CDC73: variants seen among roughly 807,000 people sequenced by gnomAD.
CDC73 encodes cell division cycle 73.
Under a neutral mutation model 83.7 loss-of-function variants are expected in CDC73, and 21 were observed. The ratio of observed to expected loss-of-function variants is 0.25; its 90% CI spans 0.18 to 0.36. The LOEUF (loss-of-function observed/expected upper bound fraction) is 0.36, where lower values mean the gene tolerates loss of function less well. Ranked by LOEUF, CDC73 falls within the 10% of genes least tolerant of loss-of-function variation. The pLI is 1.00. For synonymous variants in CDC73, 224 were observed against 212.9 expected (o/e 1.05, Z -0.45); for missense variants, 342 against 653.3 (o/e 0.52, Z 5.19).
intron 3 of CDC73, among the ~76,000 whole-genome samples, chr1:193,132,093 A>G (rs181176140): frequency 2.0e-5 from 3 of 152,358 alleles, no homozygotes; most frequent in African/African-American, 7.2e-5. Flanking sequence ...CTTACAGAGT[A>G]CAAGTACATT....
intron 10 of CDC73, among the ~76,000 whole-genome samples, chr1:193,195,547 C>A (rs902456246): frequency 3.3e-5 from 5 of 151,996 alleles, no homozygotes; most frequent in Non-Finnish European, 7.4e-5. Flanking sequence ...TATGTTAATT[C>A]TTTGTTTAAT....
intron 15 of CDC73, among the ~76,000 whole-genome samples, chr1:193,238,765 T>G (rs955965094): frequency 1.3e-5 from 2 of 152,188 alleles, no homozygotes; most frequent in Admixed American, 1.3e-4. Flanking sequence ...AAGAAAACGT[T>G]AAGAAAATCG....
chr1:193,196,223 C>G (rs1336608561), intron 10 of CDC73, among the ~76,000 whole-genome samples: 1 of 152,154 alleles, frequency 6.6e-6, no homozygotes, highest in Non-Finnish European at 1.5e-5. Flanking sequence ...TCCAGTTTCC[C>G]CAGCACCATT....
chr1:193,188,935 C>G (rs1676872129), intron 10 of CDC73, among the ~76,000 whole-genome samples: 1 of 151,536 alleles, frequency 6.6e-6, no homozygotes, highest in Non-Finnish European at 1.5e-5. Flanking sequence ...CAGCTGCAAC[C>G]TCTTTCTTTC....
chr1:193,204,169 T>TTG (rs1342854571), intron 11 of CDC73, among the ~76,000 whole-genome samples: 1 of 149,010 alleles, frequency 6.7e-6, no homozygotes, highest in African/African-American at 2.5e-5. Flanking sequence ...ATTTTGTTTT[T>TTG]TATATATATA....
At chr1:193,169,342 C>T (rs1052732452) in intron 10 of CDC73, among the ~76,000 whole-genome samples, 5 of 152,116 alleles carry the variant, frequency 3.3e-5, no homozygotes, top group Admixed American at 2.0e-4. Flanking sequence ...GCCAGGAGTT[C>T]GAGACCAGCC....
chr1:193,168,440 AT>A (rs1279235941), intron 10 of CDC73, among the ~76,000 whole-genome samples: 1 of 152,034 alleles, frequency 6.6e-6, no homozygotes, highest in Non-Finnish European at 1.5e-5. Flanking sequence ...ATATAATTGC[AT>A]TTTTTGTGAT....
chr1:193,219,702 A>G (rs1677433152), intron 13 of CDC73, among the ~76,000 whole-genome samples: 1 of 152,168 alleles, frequency 6.6e-6, no homozygotes, highest in South Asian at 2.1e-4. Context: ...GGACACAAAG[A>G]GGGAAACAAA....
chr1:193,186,937 G>A (rs1676820248), intron 10 of CDC73, among the ~76,000 whole-genome samples: 1 of 152,062 alleles, frequency 6.6e-6, no homozygotes, highest in South Asian at 2.1e-4. Flanking sequence ...TTTGTAGGGT[G>A]TAAGCAGTAT....
intron 10 of CDC73, among the ~76,000 whole-genome samples, chr1:193,160,203 G>T (rs1055057750): frequency 6.6e-5 from 10 of 151,974 alleles, no homozygotes; most frequent in Non-Finnish European, 1.2e-4. Flanking sequence ...TTATTCTGCC[G>T]ATGACTATGG....
chr1:193,198,342 A>T (rs1447569236), intron 10 of CDC73, among the ~76,000 whole-genome samples: 1 of 152,234 alleles, frequency 6.6e-6, no homozygotes, highest in Non-Finnish European at 1.5e-5. Flanking sequence ...TGATTAAGTC[A>T]TGAGGGCATG....
Position 193,122,037 on chromosome 1 carries a change from G to C in CDC73, c.-164G>C, listed in dbSNP as rs950231584. The stretch of plus-strand genomic sequence containing the variant: ...GTCCTCGGCGGCCTGGGTGGCTACT[G>C]CCCCTGCTGCTGTCGTAGGCGAGGA... On this transcript the variant is annotated 5_prime_UTR_variant, in exon 1 of 17. Coordinates refer to ENST00000367435, the MANE Select transcript of CDC73 (RefSeq NM_024529.5). 2 of 665,598 alleles carry C rather than the reference G, an allele frequency of 3.0e-6. No homozygotes were observed. The highest frequency in any genetic ancestry group is 1.8e-5 in the African/African-American group (1 of 55,824). The allele number at this position is 665,598 out of a possible 1,614,324, so 41.2% of individuals were successfully genotyped here.
chr1:193,244,739 CTAGA>C (rs1209472224), intron 15 of CDC73, among the ~76,000 whole-genome samples: 1 of 152,160 alleles, frequency 6.6e-6, no homozygotes, highest in East Asian at 1.9e-4. Context: ...TTACCTGCTT[CTAGA>C]TAATCTTGAG....
chr1:193,189,487 A>G (rs1445064141), intron 10 of CDC73, among the ~76,000 whole-genome samples: 1 of 152,204 alleles, frequency 6.6e-6, no homozygotes, highest in African/African-American at 2.4e-5. Context: ...TAAATGTGAC[A>G]GGTTTCTTTT....
intron 10 of CDC73, among the ~76,000 whole-genome samples, chr1:193,177,705 TG>T (rs1676633321): frequency 6.6e-6 from 1 of 152,192 alleles, no homozygotes; most frequent in Non-Finnish European, 1.5e-5. Flanking sequence ...GCATACTGCT[TG>T]TACAATCAGT....
intron 1 of CDC73, among the ~76,000 whole-genome samples, chr1:193,123,670 A>AT (rs200816140): frequency 0.19 from 28,611 of 147,526 alleles, 2,763 homozygotes; most frequent in Middle Eastern, 0.24. Flanking sequence ...TTTTTAGTGA[A>AT]TTTTTTTTTT....
intron 7 of CDC73, among the ~76,000 whole-genome samples, chr1:193,146,134 C>G (rs1244776792): frequency 2.0e-5 from 3 of 152,208 alleles, no homozygotes; most frequent in East Asian, 1.9e-4. Context: ...ATTTGAGGTT[C>G]ATGAGGGCAG....
rs1553292974 is a variant in CDC73 at position 193,249,870 on chromosome 1, A to G, written c.1558A>G (p.Arg520Gly). Residue 520 changes from arginine (R) to glycine (G), a missense_variant and splice_region_variant, in exon 16 of 17, where the codon AGG becomes GGG. Arg to Gly is a moderately radical substitution (Grantham distance 125). Coordinates refer to ENST00000367435, the MANE Select transcript of CDC73 (RefSeq NM_024529.5). ...VFLRFWETLD[R>G]YMVKHKSHLR... is the part of the protein sequence containing the mutation. Reference sequence around the variant, plus strand: ...CTTACGGTTTTGGGAAACATTGGACAGGTAATTCCGATTCTAAAATATGCT... The same window carrying G: ...CTTACGGTTTTGGGAAACATTGGACGGGTAATTCCGATTCTAAAATATGCT... 10 of 1,612,280 alleles carry G rather than the reference A, an allele frequency of 6.2e-6. No individual in the cohort carries two copies. Among genetic ancestry groups the G allele is most frequent in the Non-Finnish European group, 8.5e-6 (10 of 1,178,600 alleles).
chr1:193,197,490 G>A (rs761357373), intron 10 of CDC73, among the ~76,000 whole-genome samples: 3 of 152,112 alleles, frequency 2.0e-5, no homozygotes, highest in South Asian at 2.1e-4. Flanking sequence ...ATATGTAATT[G>A]TATTAATAAT....
Sources: gnomAD v4.1 joint callset for allele counts (sites outside exome capture counted in the v4.1 genomes callset) on GRCh38, gnomAD v4.1.1 for gene constraint, MANE v1.5 for transcripts, NCBI Gene and HGNC (gene_info 2026-07-23, HGNC 2026-07-21) for gene names.